Variants in SORCS1 observed in about 807,000 individuals in gnomAD.
The protein encoded by SORCS1 is VPS10 domain-containing receptor SorCS1.
A neutral mutation model predicts 146.1 loss-of-function variants in SORCS1; 60 were observed. The observed-to-expected ratio is 0.41, with a 90% CI of 0.33 to 0.51. SORCS1 has a LOEUF of 0.51. Ranked by LOEUF, SORCS1 falls within the 20% of genes least tolerant of loss-of-function variation. The pLI is 0.21. For missense variants in SORCS1, 1,352 were observed against 1,487.6 expected, an observed-to-expected ratio of 0.91 and a Z score of 1.50; for synonymous variants, 637 against 584.0, an observed-to-expected ratio of 1.09 and a Z score of -1.31.
At chr10:106,818,369 A>ATT (rs1252277188) in intron 3 of SORCS1, among the ~76,000 whole-genome samples, 344 of 143,378 alleles carry the variant, frequency 2.4e-3, no homozygotes, top group African/African-American at 2.9e-3. Flanking sequence ...GGTCATGAGG[A>ATT]TTTTTTTTTT....
chr10:107,010,576 G>A (rs535290977), intron 1 of SORCS1, among the ~76,000 whole-genome samples: 1 of 152,294 alleles, frequency 6.6e-6, no homozygotes, highest in South Asian at 2.1e-4. Flanking sequence ...GCTTTGTGAC[G>A]TCAAGCTGCA....
At position 106,581,345 on chromosome 10, in the gene SORCS1, A is replaced by T. The variant is rs141212744; in HGVS notation, c.3266-1871T>A. Among the ~76,000 whole-genome samples, 986 of 151,934 alleles carry T rather than the reference A, an allele frequency of 6.5e-3. 4 individuals are homozygous for T. Among genetic ancestry groups the T allele is most frequent in the Middle Eastern group, 0.034 (10 of 294 alleles). On this transcript the variant is annotated intron_variant, in intron 24 of 25. Coordinates refer to ENST00000263054, the MANE Select transcript of SORCS1 (RefSeq NM_052918.5). ...CATACACACACACACACACACACAC[A>T]CACACACACACACACTTTCTATATA...
At chr10:106,726,865 T>C (rs1251699762) in intron 6 of SORCS1, among the ~76,000 whole-genome samples, 1 of 151,916 alleles carries the variant, frequency 6.6e-6, no homozygotes, top group African/African-American at 2.4e-5. Flanking sequence ...GACGGGCGGA[T>C]CACGAGGTGA....
At position 106,575,969 on chromosome 10, in the gene SORCS1, A is replaced by C. The variant is rs545917834; in HGVS notation, c.*1451T>G. ...CACATTCAAAACATTTCTCACAAGA[A>C]TCTTCTGGAATCAGATCGCACGAGA... On this transcript the variant is annotated 3_prime_UTR_variant, in exon 26 of 26. Transcript: ENST00000263054. 6.5e-6 allele frequency: 1 copy of C among 152,736 alleles called. No homozygotes were observed. The highest frequency in any genetic ancestry group is 1.5e-5 in the Non-Finnish European group (1 of 68,032). 9.5% of individuals were successfully genotyped at this position (152,736 alleles called of 1,614,324 possible). A position where few individuals can be genotyped will look rare whatever the true frequency, so the allele number is the denominator to read the frequency against.
At chr10:107,031,700 CTTAA>C (rs1207528059) in intron 1 of SORCS1, among the ~76,000 whole-genome samples, 1 of 151,692 alleles carries the variant, frequency 6.6e-6, no homozygotes, top group Non-Finnish European at 1.5e-5. Context: ...AACTCCTGAA[CTTAA>C]TTAAACAGTC....
chr10:106,740,715 T>C (rs1482579910), intron 5 of SORCS1, among the ~76,000 whole-genome samples: 1 of 152,248 alleles, frequency 6.6e-6, no homozygotes, highest in African/African-American at 2.4e-5. Context: ...CACAAGGCTG[T>C]GCTCTTGTTG....
chr10:107,031,436 G>A (rs1958651526), intron 1 of SORCS1, among the ~76,000 whole-genome samples: 1 of 151,992 alleles, frequency 6.6e-6, no homozygotes, highest in Admixed American at 6.6e-5. Context: ...AATGCCTAGG[G>A]CTTGGAGGCA....
intron 9 of SORCS1, among the ~76,000 whole-genome samples, chr10:106,690,499 G>A (rs1853215844): frequency 6.6e-6 from 1 of 152,174 alleles, no homozygotes; most frequent in Admixed American, 6.5e-5. Context: ...TTTGGGAGCT[G>A]GTTCATTTGA....
At chr10:106,654,068 T>C (rs118151269) in intron 17 of SORCS1, among the ~76,000 whole-genome samples, 1,942 of 152,316 alleles carry the variant, frequency 0.013, 22 homozygotes, top group Non-Finnish European at 0.019. Context: ...TCTGCTTCAG[T>C]GTCCTCCTGC....
chr10:106,619,787 C>G (rs1197422907), intron 20 of SORCS1, among the ~76,000 whole-genome samples: 1 of 152,140 alleles, frequency 6.6e-6, no homozygotes, highest in Non-Finnish European at 1.5e-5. Context: ...TTAGAGTAAA[C>G]AAGGTGTTAG....
chr10:107,100,391 G>A (rs959329027), intron 1 of SORCS1, among the ~76,000 whole-genome samples: 2 of 152,020 alleles, frequency 1.3e-5, no homozygotes, highest in Admixed American at 1.3e-4. Flanking sequence ...GCGGGCGCCT[G>A]TAGTCCCAGC....
intron 1 of SORCS1, among the ~76,000 whole-genome samples, chr10:106,959,442 T>C (rs757758823): frequency 1.5e-4 from 23 of 152,230 alleles, no homozygotes; most frequent in Non-Finnish European, 3.4e-4. Context: ...TTTACCATCT[T>C]ATTACTGAAC....
In SORCS1 at chr10:106,776,587, G is replaced by A; in HGVS notation, c.832C>T (p.Leu278Phe). 3.1e-6 allele frequency: 5 copies of A among 1,614,052 alleles called. No individual in the cohort carries two copies. The highest frequency in any genetic ancestry group is 4.2e-6 in the Non-Finnish European group (5 of 1,179,944). Residue 278 changes from leucine to phenylalanine, a missense_variant, in exon 4 of 26, where the codon CTT becomes TTT. Transcript: ENST00000263054. ...CAGTCTTCTTGTTTGGGGTGAAAAA[G>A]CAAGCTTTGAATGTAGAAGTTCAGC... ...YRLNFYIQSL[L>F]FHPKQEDWIL...
chr10:107,049,384 C>T (rs1415823135), intron 1 of SORCS1, among the ~76,000 whole-genome samples: 1 of 151,804 alleles, frequency 6.6e-6, no homozygotes, highest in Non-Finnish European at 1.5e-5. Context: ...CTAACCTGCA[C>T]ATCGTGCACA....
intron 5 of SORCS1, among the ~76,000 whole-genome samples, chr10:106,731,828 A>C (rs765652463): frequency 6.6e-6 from 1 of 152,166 alleles, no homozygotes; most frequent in Non-Finnish European, 1.5e-5. Context: ...GGTATATAAC[A>C]GACAGTCAAA....
At chr10:107,029,014 A>T (rs1416879888) in intron 1 of SORCS1, among the ~76,000 whole-genome samples, 1 of 152,236 alleles carries the variant, frequency 6.6e-6, no homozygotes, top group East Asian at 1.9e-4. Context: ...ATACCAAATC[A>T]TTAAGTCAGT....
In SORCS1 at chr10:106,575,574, T is replaced by C. The variant is rs1256843524; in HGVS notation, c.*1846A>G. On this transcript the variant is annotated 3_prime_UTR_variant, in exon 26 of 26. Coordinates refer to ENST00000263054, the MANE Select transcript of SORCS1 (RefSeq NM_052918.5). ...TGTTTCCCTCTTTCTCTGAGCCTTC[T>C]TTCATGATTACCCTGGGAAAAATGG... is the stretch of plus-strand genomic sequence containing the variant. 1 of 152,428 alleles carries C rather than the reference T, an allele frequency of 6.6e-6. No individual in the cohort carries two copies. Among genetic ancestry groups the C allele is most frequent in the Non-Finnish European group, 1.5e-5 (1 of 68,102 alleles). 9.4% of individuals were successfully genotyped at this position (152,428 alleles called of 1,614,324 possible).
intron 16 of SORCS1, among the ~76,000 whole-genome samples, chr10:106,671,023 G>A (rs1418967422): frequency 6.6e-6 from 1 of 152,050 alleles, no homozygotes; most frequent in Middle Eastern, 3.2e-3. Context: ...ATAATTACCA[G>A]CCATCTTCCG....
At chr10:106,685,190 C>G (rs530236829) in intron 10 of SORCS1, among the ~76,000 whole-genome samples, 1 of 152,288 alleles carries the variant, frequency 6.6e-6, no homozygotes, top group South Asian at 2.1e-4. Context: ...AGGGAATGAA[C>G]AGCTTCCATT....
Sources: allele counts gnomAD v4.1 joint callset (sites outside exome capture counted in the v4.1 genomes callset), GRCh38; gene constraint gnomAD v4.1.1; transcripts MANE v1.5; gene names NCBI Gene and HGNC (gene_info 2026-07-23, HGNC 2026-07-21).